COL17A1: variants seen among roughly 807,000 people sequenced by gnomAD.
COL17A1 encodes collagen alpha-1(XVII) chain.
COL17A1 carries 181 observed loss-of-function variants against 218.4 expected under a neutral mutation model. That is an observed-to-expected ratio of 0.83 (90% confidence interval 0.73 to 0.94). The LOEUF (loss-of-function observed/expected upper bound fraction) is 0.94. Among genes scored for constraint, COL17A1 ranks in the 40% least tolerant of loss-of-function variants. COL17A1 has a pLI of 0.00. For synonymous variants in COL17A1, 721 were observed against 731.0 expected (o/e 0.99, Z 0.22); for missense variants, 1,924 against 1,945.9 (o/e 0.99, Z 0.21).
intron 9 of COL17A1, among the ~76,000 whole-genome samples, chr10:104,069,067 T>C (rs950384392): frequency 1.3e-5 from 2 of 152,186 alleles, no homozygotes; most frequent in Non-Finnish European, 2.9e-5. Flanking sequence ...GCTAAACAAG[T>C]GTGTGGGTGT....
At chr10:104,073,370 C>T in intron 6 of COL17A1, 125 bp from the exon 7 acceptor site, 1 of 827,632 alleles carries the variant, frequency 1.2e-6, no homozygotes, top group Non-Finnish European at 2.1e-6. Flanking sequence ...CAGATAGGGG[C>T]TTTTCTGTAT....
At chr10:104,060,074 A>C in intron 14 of COL17A1, 45 bp downstream of exon 14, 1 of 1,612,650 alleles carries the variant, frequency 6.2e-7, no homozygotes, top group Non-Finnish European at 8.5e-7. Flanking sequence ...CTCCTACACT[A>C]TTTGGCTTTC....
Position 104,060,211 on chromosome 10 carries a change from T to C in COL17A1, c.1049A>G (p.Asp350Gly). The C allele has an allele frequency of 6.2e-7, 1 of 1,614,188 alleles. No individual in the cohort carries two copies. The highest frequency in any genetic ancestry group is 8.5e-7 in the Non-Finnish European group (1 of 1,180,016). ...KDCKFLILEK[D>G]NTPAKKEMEL... is the part of the protein sequence containing the mutation. ...CATCTCCTTCTTGGCAGGTGTGTTG[T>C]CTTTCTCTAGGATCAGGAACTTGCA... Residue 350 changes from aspartate to glycine, a missense_variant, in exon 14 of 56, where the codon GAC becomes GGC. Physicochemically the swap from Asp to Gly is moderately conservative, Grantham distance 94. Transcript: ENST00000648076.
intron 55 of COL17A1, 25 bp downstream of exon 55, chr10:104,032,649 A>G (rs1487318906): frequency 6.2e-7 from 1 of 1,610,456 alleles, no homozygotes; most frequent in Admixed American, 1.7e-5. Flanking sequence ...CAGAACATGC[A>G]AAACGTGGAG....
chr10:104,045,594 G>A (rs575014245), intron 33 of COL17A1, among the ~76,000 whole-genome samples, 164 bp downstream of exon 33: 1 of 152,206 alleles, frequency 6.6e-6, no homozygotes, highest in East Asian at 1.9e-4. Context: ...ACTGGGCTTG[G>A]TTCACAAATC....
At chr10:104,060,404 T>C in intron 13 of COL17A1, 124 bp from the exon 14 acceptor site, 2 of 1,375,926 alleles carry the variant, frequency 1.5e-6, no homozygotes, top group Non-Finnish European at 2.0e-6. Flanking sequence ...CAGGTGTGTA[T>C]GAGGGTCTCT....
chr10:104,047,677 C>CCA (rs768709877), intron 31 of COL17A1, 62 bp downstream of exon 31: 2 of 1,367,454 alleles, frequency 1.5e-6, no homozygotes, highest in Non-Finnish European at 2.1e-6. Context: ...ATGCCTACAT[C>CCA]CACACACACA....
chr10:104,074,222 CT>C lies in COL17A1; in HGVS notation c.340del (p.Ser114ValfsTer60), dbSNP rs766864711. The C allele has an allele frequency of 3.7e-5, 59 of 1,614,100 alleles. No individual in the cohort carries two copies. Among genetic ancestry groups the C allele is most frequent in the Non-Finnish European group, 4.7e-5 (56 of 1,180,046 alleles). The part of the protein sequence containing the change: ...VTRHAYEGSS[S>X]GNSSPEYPRK... The stretch of plus-strand genomic sequence containing the variant: ...AGGGTACTCCGGAGAAGAGTTGCCA[CT>C]GGAGCTCCCTGGAGAGGGGATGAAA... On this transcript the variant is annotated frameshift_variant, in exon 6 of 56. Transcript: ENST00000648076. LOFTEE classifies it high-confidence loss of function.
intron 33 of COL17A1, 85 bp downstream of exon 33, chr10:104,045,673 A>G (rs1234111936): frequency 1.8e-6 from 2 of 1,138,484 alleles, no homozygotes; most frequent in Non-Finnish European, 2.7e-6. Flanking sequence ...GGCTCTGGCC[A>G]GAGAGAGGCC....
At chr10:104,060,384 G>C in intron 13 of COL17A1, 104 bp from the exon 14 acceptor site, 4 of 1,471,526 alleles carry the variant, frequency 2.7e-6, no homozygotes, top group Non-Finnish European at 3.7e-6. Flanking sequence ...GGAGGAGGGA[G>C]GTAAATTAGC....
intron 49 of COL17A1, 24 bp downstream of exon 49, chr10:104,035,450 C>T (rs1443593016): frequency 1.2e-6 from 2 of 1,613,732 alleles, no homozygotes; most frequent in Admixed American, 3.3e-5. Flanking sequence ...ACCAGTTGGA[C>T]AGATGTCCCC....
intron 13 of COL17A1, among the ~76,000 whole-genome samples, chr10:104,061,092 A>G (rs979268164): frequency 2.0e-5 from 3 of 152,228 alleles, no homozygotes; most frequent in Non-Finnish European, 2.9e-5. Context: ...TGCATGTAAC[A>G]GGTGAAGGCC....
chr10:104,049,630 C>G (rs953241285), intron 28 of COL17A1, among the ~76,000 whole-genome samples, 159 bp from the exon 29 acceptor site: 4 of 152,190 alleles, frequency 2.6e-5, no homozygotes, highest in Admixed American at 1.3e-4. Context: ...ATGGGCTCAA[C>G]CAGAAACCAC....
At position 104,074,018 on chromosome 10, in the gene COL17A1, T is replaced by A. The variant is rs1308084247; in HGVS notation, c.379+166A>T. ...AATGTGGCTGATAGTCCCCTTAATA[T>A]GCTTCAGGATAAAAAGCAAGGGAAA... On this transcript the variant is annotated intron_variant, in intron 6 of 55. Transcript: ENST00000648076. 8.8e-6 allele frequency: 9 copies of A among 1,016,982 alleles called. No individual in the cohort carries two copies. In the East Asian group the frequency reaches 2.3e-4, roughly 26 times the overall value. The allele number at this position is 1,016,982 out of a possible 1,614,324, so 63.0% of individuals were successfully genotyped here.
chr10:104,063,630 C>G lies in COL17A1; in HGVS notation c.838+117G>C, dbSNP rs764321338. ...AAGGCAGGTTCTGTGCAACCCTGTG[C>G]CTCTGCTTCTGAGCTGCAGTATGCA... is the stretch of plus-strand genomic sequence containing the variant. On this transcript the variant is annotated intron_variant, in intron 11 of 55. Transcript: ENST00000648076. 10 of 1,475,820 alleles carry G rather than the reference C, an allele frequency of 6.8e-6. No individual in the cohort carries two copies. In the African/African-American group the frequency reaches 1.4e-4, roughly 21 times the overall value. 91.4% of individuals were successfully genotyped at this position (1,475,820 alleles called of 1,614,324 possible).
In COL17A1 at chr10:104,053,080, TCCCATGGGGCCTTCTCGCCCTCTCTGG is replaced by T. The variant is rs750485697; in HGVS notation, c.1863_1889del (p.Gln622_Gly630del). The T allele has an allele frequency of 6.2e-7, 1 of 1,614,006 alleles. No homozygotes were observed. Among genetic ancestry groups the T allele is most frequent in the South Asian group, 1.1e-5 (1 of 91,084 alleles). Reference sequence around the variant, plus strand: ...CAGGAGGCCCTGCCTCACCACGAGGTCCCATGGGGCCTTCTCGCCCTCTCTGGCCCATGGGGCCTTCCATGCCAGGAT... The same window carrying T: ...CAGGAGGCCCTGCCTCACCACGAGGTCCCATGGGGCCTTCCATGCCAGGAT... On this transcript the variant is annotated inframe_deletion, in exon 23 of 56. Coordinates refer to ENST00000648076, the MANE Select transcript of COL17A1 (RefSeq NM_000494.4).
chr10:104,039,469 G>T lies in COL17A1; in HGVS notation c.2872C>A (p.Pro958Thr). ...NLQGPPGPPGPQGPKGDKGDP... is the reference protein window; with the variant it reads ...NLQGPPGPPGTQGPKGDKGDP... ...CCTTTGTCACCTTTGGGTCCCTGGG[G>T]GCCAGGTGGGCCTGGTGGTCCCTGA... The change falls in exon 43 of 56, where the codon CCC (proline) becomes ACC (threonine). Residue 958 changes from proline to threonine, a missense_variant. Coordinates refer to ENST00000648076, the MANE Select transcript of COL17A1 (RefSeq NM_000494.4). 6.2e-7 allele frequency: 1 copy of T among 1,614,096 alleles called. No individual in the cohort carries two copies. The highest frequency in any genetic ancestry group is 8.5e-7 in the Non-Finnish European group (1 of 1,179,982).
At position 104,057,431 on chromosome 10, in the gene COL17A1, C is replaced by A. The variant is rs1352267318; in HGVS notation, c.1268-259G>T. Among the ~76,000 whole-genome samples the A allele has an allele frequency of 3.5e-4, 4 of 11,368 alleles. No individual in the cohort carries two copies. In the Non-Finnish European group the frequency reaches 9.3e-3, roughly 26 times the overall value. The allele number at this position is 11,368 out of a possible 152,430, so 7.5% of individuals were successfully genotyped here. A position where few individuals can be genotyped will look rare whatever the true frequency, so the allele number is the denominator to read the frequency against. ...TTCACCTTTGTTTCCGTTTTTATAA[C>A]ATGGGGTTAAAAGATTGCCTCCTTC... On this transcript the variant is annotated intron_variant, in intron 16 of 55. Coordinates refer to ENST00000648076, the MANE Select transcript of COL17A1 (RefSeq NM_000494.4).
At chr10:104,078,740 A>C (rs556267148) in intron 2 of COL17A1, among the ~76,000 whole-genome samples, 154 bp from the exon 3 acceptor site, 2 of 152,368 alleles carry the variant, frequency 1.3e-5, no homozygotes, top group Non-Finnish European at 2.9e-5. Flanking sequence ...GATCTGACCC[A>C]CTGTGCAAAA....
Sources: gnomAD v4.1 joint callset for allele counts (sites outside exome capture counted in the v4.1 genomes callset) on GRCh38, gnomAD v4.1.1 for gene constraint, MANE v1.5 for transcripts, NCBI Gene and HGNC (gene_info 2026-07-23, HGNC 2026-07-21) for gene names.